Variants in WFDC1 observed in about 807,000 individuals in gnomAD.
WFDC1 encodes the protein WAP four-disulfide core domain protein 1.
A neutral mutation model predicts 32.9 loss-of-function variants in WFDC1; 39 were observed. That is an observed-to-expected ratio of 1.19 (90% confidence interval 0.92 to 1.55). The LOEUF (loss-of-function observed/expected upper bound fraction) is 1.55, where lower values mean the gene tolerates loss of function less well. Among genes scored for constraint, WFDC1 ranks in the 40% most tolerant of loss-of-function variants. WFDC1 has a pLI of 0.00. For synonymous variants in WFDC1, 184 were observed against 137.4 expected (o/e 1.34, Z -2.37); for missense variants, 386 against 309.5 (o/e 1.25, Z -1.85).
At chr16:84,311,838 C>G (rs561441161) in intron 1 of WFDC1, among the ~76,000 whole-genome samples, 1 of 151,770 alleles carries the variant, frequency 6.6e-6, no homozygotes, top group East Asian at 2.0e-4. Flanking sequence ...CAGCACCTGG[C>G]CCCTATATCT....
chr16:84,295,138 C>T (rs1257494358), intron 1 of WFDC1, 23 bp downstream of exon 1: 19 of 1,611,024 alleles, frequency 1.2e-5, no homozygotes, highest in Non-Finnish European at 1.5e-5. Context: ...GATGGGGAGG[C>T]TGGGGCAGCC....
chr16:84,303,896 C>T (rs985425928), intron 1 of WFDC1, among the ~76,000 whole-genome samples: 5 of 152,282 alleles, frequency 3.3e-5, no homozygotes, highest in Admixed American at 6.5e-5. Flanking sequence ...CTGTTGTAGA[C>T]GTTTCATGGA....
intron 2 of WFDC1, chr16:84,317,166 G>A (rs1042049956): frequency 6.6e-6 from 1 of 151,998 alleles, no homozygotes; most frequent in Non-Finnish European, 1.5e-5. Flanking sequence ...GGTGGCACAT[G>A]CCTGTAATCC....
chr16:84,326,916 G>A lies in WFDC1; in HGVS notation c.639G>A (p.Arg213=). The change falls in exon 6 of 7, where the codon AGG becomes AGA. Residue 213 remains arginine, a synonymous_variant. Transcript: ENST00000219454. Reference sequence around the variant, plus strand: ...CAAAGAATGTGGCAGAACCTGGAAGGGGACAACAGAAGCACTTTCAGTAAA... The same window carrying A: ...CAAAGAATGTGGCAGAACCTGGAAGAGGACAACAGAAGCACTTTCAGTAAA... ...GDSKNVAEPG[R]GQQKHFQ 1 of 1,614,120 alleles carries A rather than the reference G, an allele frequency of 6.2e-7. No homozygotes were observed. The highest frequency in any genetic ancestry group is 8.5e-7 in the Non-Finnish European group (1 of 1,180,034).
At chr16:84,319,720 G>A (rs749710324) in intron 4 of WFDC1, 149 bp downstream of exon 4, 79 of 1,100,418 alleles carry the variant, frequency 7.2e-5, no homozygotes, top group South Asian at 1.6e-4. Context: ...CCCCCTGCCC[G>A]GCTCCTTCTT....
chr16:84,298,887 C>G (rs2058362876), intron 1 of WFDC1, among the ~76,000 whole-genome samples: 2 of 152,232 alleles, frequency 1.3e-5, no homozygotes, highest in Admixed American at 6.5e-5. Context: ...CCTTCTATCT[C>G]TAAGACCTTC....
intron 6 of WFDC1, chr16:84,327,755 G>A (rs1260593911): frequency 6.6e-6 from 1 of 152,156 alleles, no homozygotes; most frequent in African/African-American, 2.4e-5. Context: ...ATGTCTCCAG[G>A]AAGTCTTGTC....
Position 84,313,833 on chromosome 16 carries a change from G to A in WFDC1, c.337+680G>A, listed in dbSNP as rs533432560. Among the ~76,000 whole-genome samples the A allele has an allele frequency of 3.9e-5, 6 of 152,356 alleles. No individual in the cohort carries two copies. In the South Asian group the frequency reaches 1.2e-3, roughly 32 times the overall value. On this transcript the variant is annotated intron_variant, in intron 2 of 6. Transcript: ENST00000219454. Reference sequence around the variant, plus strand: ...GAAATGGGTGGATCACCTGAGGTCAGGAGTTCAAGACCAGTCTGGGCAACA... The same window carrying A: ...GAAATGGGTGGATCACCTGAGGTCAAGAGTTCAAGACCAGTCTGGGCAACA...
intron 1 of WFDC1, among the ~76,000 whole-genome samples, chr16:84,306,569 G>A (rs1766423825): frequency 6.6e-6 from 1 of 152,208 alleles, no homozygotes; most frequent in African/African-American, 2.4e-5. Flanking sequence ...CGCATTAAGT[G>A]AGCATAGGAG....
intron 1 of WFDC1, among the ~76,000 whole-genome samples, chr16:84,310,648 C>T (rs554209266): frequency 1.3e-5 from 2 of 152,184 alleles, no homozygotes; most frequent in Non-Finnish European, 2.9e-5. Flanking sequence ...AAAACGTTCT[C>T]AGCCTATGCA....
intron 2 of WFDC1, chr16:84,317,827 A>G (rs987060744): frequency 5.6e-6 from 1 of 178,274 alleles, no homozygotes; most frequent in Non-Finnish European, 1.2e-5. Context: ...GCAGAGACAG[A>G]CATTTGTGGT....
chr16:84,306,327 A>T (rs1251123546), intron 1 of WFDC1, among the ~76,000 whole-genome samples: 5 of 152,116 alleles, frequency 3.3e-5, no homozygotes, highest in Non-Finnish European at 7.4e-5. Flanking sequence ...GGTCCCTTCC[A>T]TCTTGGGATA....
intron 4 of WFDC1, among the ~76,000 whole-genome samples, chr16:84,323,004 C>T (rs1364229366): frequency 6.6e-6 from 1 of 152,082 alleles, no homozygotes; most frequent in African/African-American, 2.4e-5. Flanking sequence ...AGGAGGGGGT[C>T]CGGGGTCCAC....
rs765063540 is a variant in WFDC1, at chr16:84,294,956, G to A, written c.-16G>A. On this transcript the variant is annotated 5_prime_UTR_variant, in exon 1 of 7. Coordinates refer to ENST00000219454, the MANE Select transcript of WFDC1 (RefSeq NM_021197.4). ...CTCTTCTGTGTGCGTCTGGAAGGTC[G>A]CTGCCCAGGGAGGAAATGCCTTTAA... 17 of 1,606,900 alleles carry A rather than the reference G, an allele frequency of 1.1e-5. No individual in the cohort carries two copies. The highest frequency in any genetic ancestry group is 5.3e-5 in the African/African-American group (4 of 74,802).
At chr16:84,321,541 C>A (rs1908304067) in intron 4 of WFDC1, among the ~76,000 whole-genome samples, 1 of 152,150 alleles carries the variant, frequency 6.6e-6, no homozygotes, top group African/African-American at 2.4e-5. Flanking sequence ...TCTTTTTCAT[C>A]CCCTGATCTT....
At chr16:84,306,987 G>A (rs554413050) in intron 1 of WFDC1, among the ~76,000 whole-genome samples, 3 of 152,310 alleles carry the variant, frequency 2.0e-5, no homozygotes, top group African/African-American at 7.2e-5. Flanking sequence ...AGCAGGGAGA[G>A]GGGGAAGGGA....
At chr16:84,311,933 A>C (rs1320794678) in intron 1 of WFDC1, among the ~76,000 whole-genome samples, 1 of 152,032 alleles carries the variant, frequency 6.6e-6, no homozygotes, top group Non-Finnish European at 1.5e-5. Flanking sequence ...TGGGAGGCTG[A>C]GGCAGGCGGA....
intron 2 of WFDC1, among the ~76,000 whole-genome samples, chr16:84,314,211 C>T (rs1445935461): frequency 6.6e-6 from 1 of 152,126 alleles, no homozygotes; most frequent in Non-Finnish European, 1.5e-5. Context: ...TCATCATTGG[C>T]AGGACGGAGT....
rs796804490 is a variant in WFDC1 at position 84,311,679 on chromosome 16, T to A, written c.145-1282T>A. ...AAGTACCTGGGACTACAGGAGAGAA[T>A]GAGCATGCCTGACTGCTTTTTTTTT... is the stretch of plus-strand genomic sequence containing the variant. On this transcript the variant is annotated intron_variant, in intron 1 of 6. Transcript: ENST00000219454. Among the ~76,000 whole-genome samples the A allele has an allele frequency of 1.1e-4, 16 of 139,584 alleles. 1 individual carries two copies. The highest frequency in any genetic ancestry group is 4.0e-4 in the African/African-American group (15 of 37,810). The allele number at this position is 139,584 out of a possible 152,430, so 91.6% of individuals were successfully genotyped here. A position where few individuals can be genotyped will look rare whatever the true frequency, so the allele number is the denominator to read the frequency against.
Sources: gnomAD v4.1 joint callset for allele counts (sites outside exome capture counted in the v4.1 genomes callset) on GRCh38, gnomAD v4.1.1 for gene constraint, MANE v1.5 for transcripts, NCBI Gene and HGNC (gene_info 2026-07-23, HGNC 2026-07-21) for gene names.